SCTR: variants seen among roughly 807,000 people sequenced by gnomAD.
SCTR encodes secretin receptor.
In SCTR, 56 loss-of-function variants were observed where a neutral mutation model predicts 60.8. The ratio of observed to expected loss-of-function variants is 0.92; its 90% CI spans 0.74 to 1.15. The LOEUF is 1.15. Among genes scored for constraint, SCTR ranks in the 50% most tolerant of loss-of-function variants. The pLI is 0.00. For synonymous variants in SCTR, 202 were observed against 217.0 expected, an observed-to-expected ratio of 0.93 and a Z score of 0.61; for missense variants, 562 against 550.4, an observed-to-expected ratio of 1.02 and a Z score of -0.21.
intron 3 of SCTR, among the ~76,000 whole-genome samples, chr2:119,477,354 T>A (rs536154111): frequency 6.6e-6 from 1 of 152,148 alleles, no homozygotes; most frequent in Admixed American, 6.6e-5. Flanking sequence ...GATGCCACGG[T>A]TGTGAGGTGT....
chr2:119,471,748 G>T (rs796538967), intron 4 of SCTR, among the ~76,000 whole-genome samples: 5 of 152,222 alleles, frequency 3.3e-5, no homozygotes, highest in African/African-American at 9.6e-5. Flanking sequence ...TCCCTGGGCG[G>T]GGCACACATC....
At chr2:119,453,089 A>T (rs562265270) in intron 8 of SCTR, among the ~76,000 whole-genome samples, 198 bp downstream of exon 8, 1 of 152,360 alleles carries the variant, frequency 6.6e-6, no homozygotes, top group Non-Finnish European at 1.5e-5. Context: ...AGGCCAGGAC[A>T]GTGCAGGCAT....
At chr2:119,479,146 G>T in intron 2 of SCTR, 1 of 1,071,406 alleles carries the variant, frequency 9.3e-7, no homozygotes. Flanking sequence ...AAGGAAGTAA[G>T]AAAGGGAGGG....
intron 3 of SCTR, among the ~76,000 whole-genome samples, chr2:119,477,604 C>A (rs1315744384): frequency 6.6e-6 from 1 of 152,134 alleles, no homozygotes; most frequent in East Asian, 1.9e-4. Flanking sequence ...GTGTGCACCA[C>A]CACGCCTAGC....
chr2:119,469,583 C>CA, intron 4 of SCTR, among the ~76,000 whole-genome samples: 1 of 152,282 alleles, frequency 6.6e-6, no homozygotes, highest in East Asian at 1.9e-4. Context: ...CTCAACCTCC[C>CA]AGGCTCAAGC....
intron 1 of SCTR, among the ~76,000 whole-genome samples, chr2:119,520,938 C>T (rs1260294223): frequency 6.6e-6 from 1 of 152,164 alleles, no homozygotes; most frequent in East Asian, 1.9e-4. Flanking sequence ...CGATTTTGCC[C>T]TTCCTACCCC....
chr2:119,502,092 C>CA (rs1448114316), intron 1 of SCTR, among the ~76,000 whole-genome samples: 2 of 151,932 alleles, frequency 1.3e-5, no homozygotes, highest in Admixed American at 1.3e-4. Context: ...CCCATTTCTA[C>CA]AAAAAATACA....
chr2:119,488,265 C>A (rs868361179), intron 2 of SCTR, among the ~76,000 whole-genome samples: 6 of 152,226 alleles, frequency 3.9e-5, no homozygotes, highest in African/African-American at 1.4e-4. Context: ...ACCCTTTCAC[C>A]CACCTGCACG....
chr2:119,470,732 G>A (rs563171348), intron 4 of SCTR, among the ~76,000 whole-genome samples: 4 of 152,164 alleles, frequency 2.6e-5, no homozygotes, highest in African/African-American at 4.8e-5. Flanking sequence ...GCAGAGTCTC[G>A]CTCTGTCGCC....
At chr2:119,523,427 A>ATTG (rs1178192042) in intron 1 of SCTR, among the ~76,000 whole-genome samples, 1 of 146,816 alleles carries the variant, frequency 6.8e-6, no homozygotes, top group African/African-American at 2.5e-5. Flanking sequence ...TATTATTATT[A>ATTG]TTATTATTAT....
In SCTR at chr2:119,446,972, C is replaced by T. The variant is rs551729393; in HGVS notation, c.1014-87G>A. On this transcript the variant is annotated intron_variant, in intron 10 of 12. Transcript: ENST00000019103. Reference sequence around the variant, plus strand: ...GGCACACAGCTGTGCCACTCCCCAGCTCGGGACTGACTGCTGAGGCTGGCT... The same window carrying T: ...GGCACACAGCTGTGCCACTCCCCAGTTCGGGACTGACTGCTGAGGCTGGCT... 181 of 1,294,412 alleles carry T rather than the reference C, an allele frequency of 1.4e-4. 1 individual carries two copies. In the African/African-American group the frequency reaches 2.3e-3, roughly 16 times the overall value. The allele number at this position is 1,294,412 out of a possible 1,614,324, so 80.2% of individuals were successfully genotyped here. A position where few individuals can be genotyped will look rare whatever the true frequency, so the allele number is the denominator to read the frequency against.
Position 119,517,230 on chromosome 2 carries a change from G to T in SCTR, c.72+6925C>A, listed in dbSNP as rs1274448800. On this transcript the variant is annotated intron_variant, in intron 1 of 12. Transcript: ENST00000019103. ...GCTGGAGTGCAGTGGCACAATCATG[G>T]CTCACTGCAGCCTCTACTTCCCTGG... is the stretch of plus-strand genomic sequence containing the variant. 2.0e-5 allele frequency among the ~76,000 whole-genome samples: 3 copies of T among 151,942 alleles called. No individual in the cohort carries two copies. The East Asian group carries it at 5.8e-4, about 29-fold the overall frequency.
At chr2:119,462,049 CCTCTGGTGAGTGG>C in intron 6 of SCTR, 49 bp from the exon 7 acceptor site, 1 of 1,555,802 alleles carries the variant, frequency 6.4e-7, no homozygotes, top group Non-Finnish European at 8.7e-7. Flanking sequence ...AGTGGGGTTC[CCTCTGGTGAGTGG>C]CCCCAAAGGG....
intron 9 of SCTR, among the ~76,000 whole-genome samples, chr2:119,449,090 T>C (rs1435264336): frequency 6.6e-6 from 1 of 152,232 alleles, no homozygotes; most frequent in Admixed American, 6.5e-5. Flanking sequence ...ATTGTTAAAA[T>C]GCAGGTTTGG....
At chr2:119,462,618 T>C (rs1251315919) in intron 6 of SCTR, among the ~76,000 whole-genome samples, 2 of 152,202 alleles carry the variant, frequency 1.3e-5, no homozygotes, top group Admixed American at 1.3e-4. Context: ...AAGTTATGCC[T>C]GTAGAATTGT....
At chr2:119,489,680 G>A (rs1678039360) in intron 2 of SCTR, among the ~76,000 whole-genome samples, 1 of 152,216 alleles carries the variant, frequency 6.6e-6, no homozygotes, top group Non-Finnish European at 1.5e-5. Flanking sequence ...AGAAGATGGA[G>A]AATGGTGTTG....
At chr2:119,515,044 T>C (rs1679070431) in intron 1 of SCTR, among the ~76,000 whole-genome samples, 1 of 152,174 alleles carries the variant, frequency 6.6e-6, no homozygotes, top group Admixed American at 6.5e-5. Context: ...AGGAAACTCA[T>C]CATTATATAA....
At chr2:119,444,224 CACATAT>C (rs1241582244) in intron 11 of SCTR, among the ~76,000 whole-genome samples, 81 of 128,510 alleles carry the variant, frequency 6.3e-4, no homozygotes, top group Non-Finnish European at 9.7e-4. Context: ...TGAATATATA[CACATAT>C]ACATATGAAT....
At chr2:119,470,182 T>C (rs1308809176) in intron 4 of SCTR, among the ~76,000 whole-genome samples, 1 of 152,228 alleles carries the variant, frequency 6.6e-6, no homozygotes, top group East Asian at 1.9e-4. Context: ...GTGACATCTA[T>C]GTGCGGTCTT....
Sources: allele counts gnomAD v4.1 joint callset (sites outside exome capture counted in the v4.1 genomes callset), GRCh38; gene constraint gnomAD v4.1.1; transcripts MANE v1.5; gene names NCBI Gene and HGNC (gene_info 2026-07-23, HGNC 2026-07-21).